PCOLCE2: variants seen among roughly 807,000 people sequenced by gnomAD.
The protein encoded by PCOLCE2 is procollagen C-proteinase enhancer 2.
In PCOLCE2, 42 loss-of-function variants were observed where a neutral mutation model predicts 47.0. The observed-to-expected ratio is 0.89, with a 90% CI of 0.70 to 1.16. The LOEUF (loss-of-function observed/expected upper bound fraction) is 1.16. PCOLCE2 is among the 50% of genes most tolerant of loss of function. The pLI is 0.00. For synonymous variants in PCOLCE2, 169 were observed against 191.7 expected, an observed-to-expected ratio of 0.88 and a Z score of 0.98; for missense variants, 500 against 526.1, an observed-to-expected ratio of 0.95 and a Z score of 0.49.
At chr3:142,853,842 C>T (rs954934883) in intron 2 of PCOLCE2, among the ~76,000 whole-genome samples, 1 of 152,144 alleles carries the variant, frequency 6.6e-6, no homozygotes, top group Non-Finnish European at 1.5e-5. Context: ...TCATTATCTG[C>T]CTGCAGAAAA....
chr3:142,840,150 C>T (rs540572639), intron 4 of PCOLCE2, among the ~76,000 whole-genome samples: 37 of 152,246 alleles, frequency 2.4e-4, no homozygotes, highest in South Asian at 8.3e-4. Context: ...TGTGTGATAC[C>T]GTGCACGGCC....
intron 2 of PCOLCE2, among the ~76,000 whole-genome samples, chr3:142,860,425 TTTG>T (rs140866650): frequency 0.051 from 7,795 of 151,606 alleles, 644 homozygotes; most frequent in African/African-American, 0.18. Flanking sequence ...TAATTGCCTT[TTTG>T]TTGTTGTTGT....
intron 2 of PCOLCE2, among the ~76,000 whole-genome samples, chr3:142,876,824 C>T (rs1933505856): frequency 6.6e-6 from 1 of 152,162 alleles, no homozygotes; most frequent in Non-Finnish European, 1.5e-5. Context: ...TGCAATGTCA[C>T]CTCTGCTCCA....
intron 2 of PCOLCE2, among the ~76,000 whole-genome samples, chr3:142,871,355 G>A (rs1933383742): frequency 6.6e-6 from 1 of 152,122 alleles, no homozygotes; most frequent in African/African-American, 2.4e-5. Context: ...AGTATTCAGG[G>A]TGATCCTTTT....
chr3:142,886,671 A>C (rs1933723261), intron 2 of PCOLCE2, among the ~76,000 whole-genome samples: 1 of 152,188 alleles, frequency 6.6e-6, no homozygotes, highest in Non-Finnish European at 1.5e-5. Flanking sequence ...TTTTACATAA[A>C]GTTGGGCTTC....
chr3:142,864,488 A>C (rs1237796531), intron 2 of PCOLCE2: 1 of 152,250 alleles, frequency 6.6e-6, no homozygotes, highest in Non-Finnish European at 1.5e-5. Context: ...TCCTTAAAAA[A>C]ACAAAACAAC....
chr3:142,847,781 C>A (rs1937343039), intron 3 of PCOLCE2, among the ~76,000 whole-genome samples: 1 of 152,230 alleles, frequency 6.6e-6, no homozygotes, highest in Non-Finnish European at 1.5e-5. Flanking sequence ...AAGAGATCCA[C>A]CTGCCCTTGG....
At chr3:142,869,135 C>CA (rs1227355052) in intron 2 of PCOLCE2, among the ~76,000 whole-genome samples, 2 of 151,924 alleles carry the variant, frequency 1.3e-5, no homozygotes, top group South Asian at 2.1e-4. Context: ...ACTAAAAATA[C>CA]AAAAAATTAG....
intron 1 of PCOLCE2, 27 bp downstream of exon 1, chr3:142,888,787 A>G: frequency 7.2e-7 from 1 of 1,388,066 alleles, no homozygotes; most frequent in Non-Finnish European, 9.6e-7. Context: ...AAGGAGAGAA[A>G]GGGAGCCCGG....
At chr3:142,874,667 T>C (rs778436887) in intron 2 of PCOLCE2, among the ~76,000 whole-genome samples, 6 of 152,180 alleles carry the variant, frequency 3.9e-5, no homozygotes, top group Non-Finnish European at 7.4e-5. Context: ...CAGAAGCAGG[T>C]GGATGGAGCT....
intron 1 of PCOLCE2, 27 bp from the exon 2 acceptor site, chr3:142,887,804 A>C: frequency 8.0e-7 from 1 of 1,249,684 alleles, no homozygotes; most frequent in Non-Finnish European, 1.2e-6. Flanking sequence ...AGAAAAGATA[A>C]TGTAATTTGA....
At chr3:142,887,631 C>G (rs370768989) in intron 2 of PCOLCE2, 38 bp downstream of exon 2, 9 of 1,056,374 alleles carry the variant, frequency 8.5e-6, no homozygotes, top group Non-Finnish European at 1.3e-5. Context: ...GTTGCCAACA[C>G]CCACTTCCAG....
intron 7 of PCOLCE2, among the ~76,000 whole-genome samples, chr3:142,821,891 C>T (rs1937019871): frequency 6.6e-6 from 1 of 151,862 alleles, no homozygotes; most frequent in South Asian, 2.1e-4. Flanking sequence ...TGGTGTAGGA[C>T]TTGCACTGAA....
chr3:142,820,730 A>G, intron 8 of PCOLCE2, 148 bp downstream of exon 8: 1 of 599,914 alleles, frequency 1.7e-6, no homozygotes, highest in Non-Finnish European at 2.9e-6. Flanking sequence ...AAGGACTTGG[A>G]TGAGAGCCCA....
chr3:142,827,707 G>A, intron 6 of PCOLCE2: 1 of 1,000,606 alleles, frequency 1.0e-6, no homozygotes, highest in Non-Finnish European at 1.5e-6. Flanking sequence ...GGGGCGCGCT[G>A]TGACCCGAGT....
intron 2 of PCOLCE2, among the ~76,000 whole-genome samples, chr3:142,880,698 A>G (rs1291618882): frequency 2.6e-4 from 39 of 152,244 alleles, no homozygotes; most frequent in Admixed American, 2.6e-3. Flanking sequence ...ATTAAGTATG[A>G]TGACTTTAAC....
At chr3:142,859,507 AT>A (rs1933138444) in intron 2 of PCOLCE2, among the ~76,000 whole-genome samples, 1 of 152,036 alleles carries the variant, frequency 6.6e-6, no homozygotes, top group Admixed American at 6.5e-5. Context: ...ATTTCATCTG[AT>A]AAGTCTTTTA....
At position 142,842,879 on chromosome 3, in the gene PCOLCE2, C is replaced by A. The variant is rs1255845781; in HGVS notation, c.573+45G>T. ...GAGTTGGTGGGCCCCCCACACTGGGCAATTCACACATGCATGCTTTCTTCA... is the reference window on the plus strand; with the variant it reads ...GAGTTGGTGGGCCCCCCACACTGGGAAATTCACACATGCATGCTTTCTTCA... On this transcript the variant is annotated intron_variant, in intron 4 of 8. Coordinates refer to ENST00000295992, the MANE Select transcript of PCOLCE2 (RefSeq NM_013363.4). The surrounding 1 kb of genome is among the most constrained non-coding windows in gnomAD (Gnocchi z 4.1). 2 of 1,606,612 alleles carry A rather than the reference C, an allele frequency of 1.2e-6. No individual in the cohort carries two copies. Among genetic ancestry groups the A allele is most frequent in the Admixed American group, 1.7e-5 (1 of 59,728 alleles).
chr3:142,869,150 G>T (rs1222516356), intron 2 of PCOLCE2, among the ~76,000 whole-genome samples: 11 of 152,060 alleles, frequency 7.2e-5, no homozygotes, highest in Non-Finnish European at 2.9e-5. Context: ...AATTAGCCGG[G>T]CGTGGTGGCG....
Sources: gnomAD v4.1 joint callset for allele counts (sites outside exome capture counted in the v4.1 genomes callset) on GRCh38, gnomAD v4.1.1 for gene constraint, Gnocchi (gnomAD v3.1) non-coding constraint, MANE v1.5 for transcripts, NCBI Gene and HGNC (gene_info 2026-07-23, HGNC 2026-07-21) for gene names.